The following TESK2 variants were observed in gnomAD, a reference collection of about 807,000 sequenced individuals.
TESK2 encodes the protein testis associated actin remodelling kinase 2.
TESK2 carries 39 observed loss-of-function variants against 57.1 expected under a neutral mutation model. The observed-to-expected ratio is 0.68, with a 90% CI of 0.53 to 0.89. TESK2 has a LOEUF of 0.89. Ranked by LOEUF, TESK2 falls within the 40% of genes least tolerant of loss-of-function variation. The pLI is 0.00. For synonymous variants in TESK2, 249 were observed against 267.9 expected (o/e 0.93, Z 0.69); for missense variants, 646 against 732.1 (o/e 0.88, Z 1.36).
At chr1:45,467,243 T>A (rs556120524) in intron 1 of TESK2, among the ~76,000 whole-genome samples, 47 of 152,356 alleles carry the variant, frequency 3.1e-4, no homozygotes, top group Middle Eastern at 3.4e-3. Flanking sequence ...CTGTTAATTT[T>A]ATCATTTTTC....
chr1:45,366,050 C>A (rs975967790), intron 4 of TESK2, among the ~76,000 whole-genome samples: 4 of 151,874 alleles, frequency 2.6e-5, no homozygotes. Flanking sequence ...CTCAGGTGAT[C>A]CGCCTGCCTC....
chr1:45,442,606 A>G (rs1373200147), intron 2 of TESK2, among the ~76,000 whole-genome samples: 4 of 152,214 alleles, frequency 2.6e-5, no homozygotes, highest in Non-Finnish European at 4.4e-5. Flanking sequence ...TTGAAACATT[A>G]AACAGGTTGT....
Position 45,457,889 on chromosome 1 carries a change from A to G in TESK2, c.-86-18T>C. 2 of 897,796 alleles carry G rather than the reference A, an allele frequency of 2.2e-6. No individual in the cohort carries two copies. The highest frequency in any genetic ancestry group is 3.4e-6 in the Non-Finnish European group (2 of 591,332). The allele number at this position is 897,796 out of a possible 1,614,324, so 55.6% of individuals were successfully genotyped here. On this transcript the variant is annotated intron_variant, in intron 1 of 10. Transcript: ENST00000372086. ...GTTTGACACTAAAGAGATCAAAAAA[A>G]TTTCCACTGAAATCTTTAATGAATA...
chr1:45,451,610 C>T (rs79755654), intron 2 of TESK2, among the ~76,000 whole-genome samples: 1,648 of 152,272 alleles, frequency 0.011, 13 homozygotes, highest in Non-Finnish European at 0.017. Flanking sequence ...AGCGCATGGA[C>T]TGTGGAAATT....
intron 3 of TESK2, among the ~76,000 whole-genome samples, chr1:45,399,497 T>G (rs192670982): frequency 6.3e-4 from 96 of 152,314 alleles, no homozygotes; most frequent in African/African-American, 2.3e-3. Context: ...GTATTTTTAG[T>G]AGAGATGGGG....
intron 4 of TESK2, among the ~76,000 whole-genome samples, chr1:45,359,025 G>A (rs975996078): frequency 6.6e-5 from 10 of 152,212 alleles, no homozygotes; most frequent in African/African-American, 2.4e-4. Context: ...ATTCCTCTAA[G>A]CCTAAAATTT....
In TESK2 at chr1:45,344,048, G is replaced by A. The variant is rs1451702714; in HGVS notation, c.*792C>T. 4.2e-6 allele frequency: 1 copy of A among 236,342 alleles called. No homozygotes were observed. The allele number at this position is 236,342 out of a possible 1,614,324, so 14.6% of individuals were successfully genotyped here. A position where few individuals can be genotyped will look rare whatever the true frequency, so the allele number is the denominator to read the frequency against. On this transcript the variant is annotated 3_prime_UTR_variant, in exon 11 of 11. Transcript: ENST00000372086. Reference sequence around the variant, plus strand: ...AGACTGTTCCCAAAGCTCCAGCCATGGCAGGAAGGGAAGCAAATCAGTCCC... The same window carrying A: ...AGACTGTTCCCAAAGCTCCAGCCATAGCAGGAAGGGAAGCAAATCAGTCCC...
chr1:45,396,195 G>A (rs1649348531), intron 3 of TESK2, among the ~76,000 whole-genome samples: 1 of 152,128 alleles, frequency 6.6e-6, no homozygotes, highest in Admixed American at 6.6e-5. Context: ...CCATGTTCAA[G>A]TGATTCTCCC....
chr1:45,428,815 G>GCTTTT (rs1458366029), intron 2 of TESK2, among the ~76,000 whole-genome samples: 1 of 25,548 alleles, frequency 3.9e-5, no homozygotes, highest in Admixed American at 5.9e-4. Flanking sequence ...TTAAATTCCT[G>GCTTTT]ATTTTTTTTT....
chr1:45,446,804 C>A (rs1029749924), intron 2 of TESK2, among the ~76,000 whole-genome samples: 9 of 152,194 alleles, frequency 5.9e-5, no homozygotes, highest in Non-Finnish European at 1.2e-4. Context: ...CCAAATACCC[C>A]TGCCTCCATA....
At chr1:45,488,269 T>G (rs1273799860) in intron 1 of TESK2, among the ~76,000 whole-genome samples, 1 of 152,158 alleles carries the variant, frequency 6.6e-6, no homozygotes. Flanking sequence ...CCATTTAAGA[T>G]TCCCATGGCC....
intron 3 of TESK2, among the ~76,000 whole-genome samples, chr1:45,404,324 C>G (rs1649746231): frequency 6.6e-6 from 1 of 152,040 alleles, no homozygotes; most frequent in African/African-American, 2.4e-5. Flanking sequence ...TTTTGTAATG[C>G]CTGTCACATA....
intron 1 of TESK2, among the ~76,000 whole-genome samples, chr1:45,459,978 G>T (rs917859166): frequency 6.6e-6 from 1 of 152,114 alleles, no homozygotes; most frequent in Non-Finnish European, 1.5e-5. Flanking sequence ...ACCAAATATC[G>T]CATGTTCTCA....
At chr1:45,358,675 A>G (rs1039930960) in intron 4 of TESK2, among the ~76,000 whole-genome samples, 5 of 152,178 alleles carry the variant, frequency 3.3e-5, no homozygotes, top group Non-Finnish European at 4.4e-5. Flanking sequence ...GCAGACATTA[A>G]TAAGGTTTGA....
intron 4 of TESK2, among the ~76,000 whole-genome samples, chr1:45,364,534 T>C (rs1647827117): frequency 6.6e-6 from 1 of 152,222 alleles, no homozygotes; most frequent in Non-Finnish European, 1.5e-5. Context: ...ATAATAAGTT[T>C]CTGCTATGTC....
chr1:45,454,712 A>G (rs1469293104), intron 2 of TESK2, among the ~76,000 whole-genome samples: 1 of 152,186 alleles, frequency 6.6e-6, no homozygotes, highest in African/African-American at 2.4e-5. Flanking sequence ...ATACCTGTAT[A>G]TCAATATCCA....
At chr1:45,386,021 A>T (rs1031045501) in intron 3 of TESK2, 61 bp from the exon 4 acceptor site, 26 of 1,373,216 alleles carry the variant, frequency 1.9e-5, no homozygotes, top group Middle Eastern at 3.6e-4. Flanking sequence ...ATTCATATAG[A>T]GAAATCAGGT....
chr1:45,352,938 C>T (rs1294400027), intron 5 of TESK2, among the ~76,000 whole-genome samples: 2 of 150,940 alleles, frequency 1.3e-5, no homozygotes, highest in Admixed American at 1.3e-4. Flanking sequence ...CTCGCTCAGT[C>T]GCCAGGCTAG....
At chr1:45,421,615 A>C in intron 3 of TESK2, 110 bp downstream of exon 3, 20 of 1,458,824 alleles carry the variant, frequency 1.4e-5, no homozygotes, top group Non-Finnish European at 1.9e-5. Flanking sequence ...AGCAAGATAG[A>C]TTCAGCATGA....
Sources: gnomAD v4.1 joint callset for allele counts (sites outside exome capture counted in the v4.1 genomes callset) on GRCh38, gnomAD v4.1.1 for gene constraint, MANE v1.5 for transcripts, NCBI Gene and HGNC (gene_info 2026-07-23, HGNC 2026-07-21) for gene names.